KLHL3: variants seen among roughly 807,000 people sequenced by gnomAD.
KLHL3 encodes kelch like family member 3, also known as kelch-like protein 3.
A neutral mutation model predicts 70.5 loss-of-function variants in KLHL3; 19 were observed. The observed-to-expected ratio is 0.27, with a 90% confidence interval of 0.19 to 0.40. The LOEUF is 0.40. Among genes scored for constraint, KLHL3 ranks in the 10% least tolerant of loss-of-function variants. KLHL3 has a pLI of 1.00. For synonymous variants in KLHL3, 258 were observed against 290.3 expected, an observed-to-expected ratio of 0.89 and a Z score of 1.13; for missense variants, 512 against 771.1, an observed-to-expected ratio of 0.66 and a Z score of 3.98.
intron 1 of KLHL3, chr5:137,725,197 A>G (rs1753067117): frequency 8.1e-6 from 2 of 247,952 alleles, no homozygotes; most frequent in Non-Finnish European, 1.3e-5. Flanking sequence ...AACAGACCAC[A>G]CTAAGGTATA....
At chr5:137,707,264 C>G (rs1225514098) in intron 3 of KLHL3, among the ~76,000 whole-genome samples, 1 of 152,170 alleles carries the variant, frequency 6.6e-6, no homozygotes, top group Non-Finnish European at 1.5e-5. Flanking sequence ...AAAACCCACT[C>G]TCTACTAAAA....
At position 137,698,225 on chromosome 5, in the gene KLHL3, C is replaced by T. The variant is rs893325554; in HGVS notation, c.363+62G>A. 59 of 1,584,012 alleles carry T rather than the reference C, an allele frequency of 3.7e-5. 1 individual carries two copies. Among genetic ancestry groups the T allele is most frequent in the Middle Eastern group, 3.3e-4 (2 of 5,972 alleles). On this transcript the variant is annotated intron_variant, in intron 4 of 14. Coordinates refer to ENST00000309755, the MANE Select transcript of KLHL3 (RefSeq NM_017415.3). The stretch of plus-strand genomic sequence containing the variant: ...TTGTTGTGAGGGTTAAATAAAATAA[C>T]GCTGTAAAATGGTGGGTCCTGAGTG...
At chr5:137,637,860 A>G (rs564055275) in intron 10 of KLHL3, among the ~76,000 whole-genome samples, 1 of 152,328 alleles carries the variant, frequency 6.6e-6, no homozygotes, top group East Asian at 1.9e-4. Context: ...GGGATTTCAG[A>G]AACAGCCTTT....
chr5:137,647,939 C>T (rs1751098372), intron 8 of KLHL3, among the ~76,000 whole-genome samples: 1 of 152,174 alleles, frequency 6.6e-6, no homozygotes, highest in African/African-American at 2.4e-5. Context: ...ATTTTCATAA[C>T]TTGTAATATC....
At chr5:137,710,215 G>A (rs910235228) in intron 2 of KLHL3, among the ~76,000 whole-genome samples, 3 of 152,134 alleles carry the variant, frequency 2.0e-5, no homozygotes, top group African/African-American at 7.2e-5. Flanking sequence ...GCTGTCATTC[G>A]AGTGACTGAA....
intron 1 of KLHL3, among the ~76,000 whole-genome samples, chr5:137,722,445 T>C (rs1753014245): frequency 6.6e-6 from 1 of 152,138 alleles, no homozygotes; most frequent in Admixed American, 6.5e-5. Context: ...GAGTTGTGTG[T>C]TTAAAGCAGG....
In KLHL3 at chr5:137,692,638, A is replaced by C. The variant is rs1752350800; in HGVS notation, c.364-191T>G. 1.4e-5 allele frequency: 8 copies of C among 579,286 alleles called. No homozygotes were observed. In the South Asian group the frequency reaches 1.5e-4, roughly 11 times the overall value. The allele number at this position is 579,286 out of a possible 1,614,324, so 35.9% of individuals were successfully genotyped here. A position where few individuals can be genotyped will look rare whatever the true frequency, so the allele number is the denominator to read the frequency against. Reference sequence around the variant, plus strand: ...CTGCCCTTCACGGACCCTAAACACCAGCAGATTCTCTGTATCCCTACAGCC... The same window carrying C: ...CTGCCCTTCACGGACCCTAAACACCCGCAGATTCTCTGTATCCCTACAGCC... On this transcript the variant is annotated intron_variant, in intron 4 of 14. Transcript: ENST00000309755.
At chr5:137,678,820 G>C (rs904943116) in intron 5 of KLHL3, among the ~76,000 whole-genome samples, 2 of 142,986 alleles carry the variant, frequency 1.4e-5, no homozygotes, top group South Asian at 2.2e-4. Flanking sequence ...TCTTCCACTG[G>C]ACAAAAAGGG....
intron 6 of KLHL3, among the ~76,000 whole-genome samples, chr5:137,667,588 C>T (rs1282741709): frequency 2.0e-5 from 3 of 152,192 alleles, no homozygotes; most frequent in South Asian, 2.1e-4. Context: ...ACACTCTGGA[C>T]AGACAGGCAG....
chr5:137,626,044 T>A, intron 13 of KLHL3, 148 bp from the exon 14 acceptor site: 1 of 923,906 alleles, frequency 1.1e-6, no homozygotes, highest in Non-Finnish European at 1.6e-6. Context: ...AGGTTTGAGT[T>A]TGCTAAGTGA....
intron 8 of KLHL3, among the ~76,000 whole-genome samples, chr5:137,649,531 A>T (rs1187562003): frequency 6.6e-6 from 1 of 152,240 alleles, no homozygotes; most frequent in Non-Finnish European, 1.5e-5. Context: ...TGACTGTATG[A>T]GAGACCCTGG....
At chr5:137,665,565 A>G (rs1450506446) in intron 6 of KLHL3, among the ~76,000 whole-genome samples, 2 of 152,244 alleles carry the variant, frequency 1.3e-5, no homozygotes, top group Non-Finnish European at 2.9e-5. Flanking sequence ...ATGAATGTTC[A>G]TTCTTTCAAA....
intron 3 of KLHL3, among the ~76,000 whole-genome samples, chr5:137,704,456 C>T (rs867554475): frequency 4.7e-4 from 71 of 152,084 alleles, no homozygotes; most frequent in African/African-American, 1.4e-3. Flanking sequence ...GATACCACAC[C>T]ATCTCCCAGT....
intron 2 of KLHL3, among the ~76,000 whole-genome samples, chr5:137,716,427 G>A (rs895546849): frequency 1.3e-5 from 2 of 152,176 alleles, no homozygotes; most frequent in African/African-American, 2.4e-5. Context: ...AAAGGTTACA[G>A]CCTGCAGGGT....
At chr5:137,725,326 T>A (rs1390520507) in intron 1 of KLHL3, among the ~76,000 whole-genome samples, 1 of 152,172 alleles carries the variant, frequency 6.6e-6, no homozygotes, top group Non-Finnish European at 1.5e-5. Context: ...AGCCATGAGA[T>A]GTTTTCTGTT....
chr5:137,640,721 G>A (rs10463545), intron 8 of KLHL3, among the ~76,000 whole-genome samples: 53,697 of 147,702 alleles, frequency 0.36, 10,203 homozygotes, highest in East Asian at 0.53. Context: ...CTGACAGAGG[G>A]TGAGGCCAGC....
rs530013466 is a variant in KLHL3, at chr5:137,620,731, T to C, written c.*1367A>G. The C allele has an allele frequency of 1.3e-5, 2 of 152,296 alleles. No homozygotes were observed. Among genetic ancestry groups the C allele is most frequent in the Admixed American group, 1.3e-4 (2 of 15,296 alleles). The allele number at this position is 152,296 out of a possible 1,614,324, so 9.4% of individuals were successfully genotyped here. Reference sequence around the variant, plus strand: ...ATTTTTACCTGTGAATTAGCAAAGCTCTCACCAAGCTCCCTTTTTAAAATG... The same window carrying C: ...ATTTTTACCTGTGAATTAGCAAAGCCCTCACCAAGCTCCCTTTTTAAAATG... On this transcript the variant is annotated 3_prime_UTR_variant, in exon 15 of 15. Transcript: ENST00000309755.
At chr5:137,670,681 A>C (rs1288916383) in intron 6 of KLHL3, among the ~76,000 whole-genome samples, 2 of 152,192 alleles carry the variant, frequency 1.3e-5, no homozygotes, top group East Asian at 1.9e-4. Context: ...AACAAACAAA[A>C]AAACCTGGCC....
chr5:137,648,521 G>T (rs1484431404), intron 8 of KLHL3, among the ~76,000 whole-genome samples: 1 of 152,224 alleles, frequency 6.6e-6, no homozygotes, highest in African/African-American at 2.4e-5. Flanking sequence ...TAACGTAGGA[G>T]ACTTCTGAGT....
Sources: allele counts gnomAD v4.1 joint callset (sites outside exome capture counted in the v4.1 genomes callset), GRCh38; gene constraint gnomAD v4.1.1; transcripts MANE v1.5; gene names NCBI Gene and HGNC (gene_info 2026-07-23, HGNC 2026-07-21).